Variants in TCF3 observed in about 807,000 individuals in gnomAD.
TCF3 encodes the protein transcription factor 3.
TCF3 carries 54 observed loss-of-function variants against 72.3 expected under a neutral mutation model. That is an observed-to-expected ratio of 0.75 (90% CI 0.60 to 0.94). The LOEUF is 0.94. Ranked by LOEUF, TCF3 falls within the 40% of genes least tolerant of loss-of-function variation. The pLI is 0.00. For missense variants in TCF3, 1,078 were observed against 934.4 expected, an observed-to-expected ratio of 1.15 and a Z score of -2.00; for synonymous variants, 525 against 412.6, an observed-to-expected ratio of 1.27 and a Z score of -3.30.
At chr19:1,642,227 GAC>G (rs1473158945) in intron 3 of TCF3, among the ~76,000 whole-genome samples, 5 of 147,930 alleles carry the variant, frequency 3.4e-5, no homozygotes, top group South Asian at 2.1e-4. Context: ...CAGACGCACA[GAC>G]ACGCACGCGC....
chr19:1,650,502 A>T (rs549147994), intron 1 of TCF3: 8 of 466,780 alleles, frequency 1.7e-5, no homozygotes, highest in Admixed American at 3.8e-5. Flanking sequence ...AGTCCTCCCC[A>T]GAGACCACAG....
At chr19:1,645,326 A>G (rs1442094047) in intron 3 of TCF3, among the ~76,000 whole-genome samples, 2 of 152,088 alleles carry the variant, frequency 1.3e-5, no homozygotes, top group Non-Finnish European at 2.9e-5. Flanking sequence ...GTGGCTCTGA[A>G]GCAGCATCGG....
At position 1,627,587 on chromosome 19, in the gene TCF3, C is replaced by T. The variant is rs572542067; in HGVS notation, c.299-161G>A. 1.3e-4 allele frequency among the ~76,000 whole-genome samples: 20 copies of T among 152,038 alleles called. No homozygotes were observed. The South Asian group carries it at 2.3e-3, about 17-fold the overall frequency. On this transcript the variant is annotated intron_variant, in intron 5 of 18. Transcript: ENST00000262965. ...GAGCCTGACCCCAGTGTGCCCATCT[C>T]GGGGAGCCCTGGCCCCAGTATGCCC...
chr19:1,640,567 C>T (rs905174159), intron 3 of TCF3, among the ~76,000 whole-genome samples: 2 of 152,086 alleles, frequency 1.3e-5, no homozygotes, highest in African/African-American at 4.8e-5. Context: ...ACCTGTAATC[C>T]CAGCACTTCG....
chr19:1,635,090 C>G (rs79564425), intron 3 of TCF3, among the ~76,000 whole-genome samples: 1 of 152,194 alleles, frequency 6.6e-6, no homozygotes, highest in Admixed American at 6.5e-5. Flanking sequence ...TTGGTGGACA[C>G]GGGCCCTGAA....
intron 1 of TCF3, 94 bp from the exon 2 acceptor site, chr19:1,650,381 A>T: frequency 1.0e-6 from 1 of 977,066 alleles, no homozygotes. Context: ...AAAGCCACCT[A>T]AAAAACCCTC....
In TCF3 at chr19:1,625,607, G is replaced by A. The variant is rs757192077; in HGVS notation, c.468C>T (p.Ser156=). The A allele has an allele frequency of 1.9e-6, 3 of 1,585,170 alleles. No individual in the cohort carries two copies. The African/African-American group carries it at 4.1e-5, about 22-fold the overall frequency. ...TGCCGTCTGCCGCTCTCCGCCGGGA[G>A]CTGCCGGAGTAGGAGGGGTAGTACT... ...TSQYYPSYSG[S]SRRRAADGSL... is the part of the protein sequence containing the mutation. The change falls in exon 7 of 19, where the codon AGC becomes AGT. Residue 156 remains serine (S), a synonymous_variant. Coordinates refer to ENST00000262965, the MANE Select transcript of TCF3 (RefSeq NM_003200.5).
Position 1,646,348 on chromosome 19 carries a change from G to A in TCF3, c.145+7C>T. The A allele has an allele frequency of 3.2e-6, 5 of 1,550,236 alleles. No homozygotes were observed. Among genetic ancestry groups the A allele is most frequent in the Non-Finnish European group, 4.4e-6 (5 of 1,146,530 alleles). ...CCACGAGCGCTGGCAGGAAGGCGGG[G>A]TCCTACCTGAACCTCCGAACTGCGC... On this transcript the variant is annotated splice_region_variant and intron_variant, in intron 3 of 18. Coordinates refer to ENST00000262965, the MANE Select transcript of TCF3 (RefSeq NM_003200.5).
chr19:1,643,157 A>G (rs539523708), intron 3 of TCF3, among the ~76,000 whole-genome samples: 1 of 152,172 alleles, frequency 6.6e-6, no homozygotes, highest in African/African-American at 2.4e-5. Context: ...CCCGTTTTAA[A>G]TGTCTTCCGA....
Position 1,622,180 on chromosome 19 carries a change from G to T in TCF3, c.696C>A (p.Gly232=). The change falls in exon 10 of 19, where the codon GGC becomes GGA. Residue 232 remains glycine, a synonymous_variant. Coordinates refer to ENST00000262965, the MANE Select transcript of TCF3 (RefSeq NM_003200.5). The part of the protein sequence containing the change: ...HPSAELWSPP[G]QAGFGPMLGG... Reference sequence around the variant, plus strand: ...CCAGCATGGGCCCGAAGCCCGCCTGGCCCGGGGGACTCCAGAGCTCGGCTG... The same window carrying T: ...CCAGCATGGGCCCGAAGCCCGCCTGTCCCGGGGGACTCCAGAGCTCGGCTG... The T allele has an allele frequency of 6.4e-7, 1 of 1,568,792 alleles. No homozygotes were observed. Among genetic ancestry groups the T allele is most frequent in the Non-Finnish European group, 8.6e-7 (1 of 1,159,596 alleles).
chr19:1,612,913 C>T (rs2061177277), intron 18 of TCF3, among the ~76,000 whole-genome samples: 1 of 135,978 alleles, frequency 7.4e-6, no homozygotes, highest in Admixed American at 7.5e-5. Context: ...AGTGGGGGTA[C>T]ACGGCTGGTG....
chr19:1,644,534 A>G (rs2065794902), intron 3 of TCF3, among the ~76,000 whole-genome samples: 1 of 152,210 alleles, frequency 6.6e-6, no homozygotes, highest in Non-Finnish European at 1.5e-5. Context: ...GTGAGGGGAC[A>G]AGGCGAGACC....
intron 2 of TCF3, among the ~76,000 whole-genome samples, chr19:1,649,761 C>T (rs994520109): frequency 3.5e-4 from 54 of 152,150 alleles, no homozygotes; most frequent in African/African-American, 1.2e-3. Flanking sequence ...CAGGGTCTCA[C>T]TGTCAACCAG....
At chr19:1,631,821 G>C (rs75384061) in intron 5 of TCF3, 1 of 1,256,894 alleles carries the variant, frequency 8.0e-7, no homozygotes, top group African/African-American at 1.5e-5. Context: ...ACGCTCAGGC[G>C]GGGAAGCCTA....
At chr19:1,624,420 A>G (rs1280911428) in intron 7 of TCF3, among the ~76,000 whole-genome samples, 1 of 152,120 alleles carries the variant, frequency 6.6e-6, no homozygotes, top group Non-Finnish European at 1.5e-5. Context: ...CAGCAGCAAC[A>G]ACAACAAAAA....
chr19:1,619,394 G>A lies in TCF3; in HGVS notation c.1248C>T (p.His416=), dbSNP rs371505761. 6 of 1,593,780 alleles carry A rather than the reference G, an allele frequency of 3.8e-6. No individual in the cohort carries two copies. Among genetic ancestry groups the A allele is most frequent in the Non-Finnish European group, 4.2e-6 (5 of 1,177,202 alleles). ...SHAVGTAGDM[H]TLLPGHGALA... The stretch of plus-strand genomic sequence containing the variant: ...GCGCCCCGTGGCCAGGCAGCAGCGT[G>A]TGCATGTCGCCGGCTGTGCCCACGG... Residue 416 remains histidine (H), a synonymous_variant, in exon 15 of 19, where the codon CAC becomes CAT. Coordinates refer to ENST00000262965, the MANE Select transcript of TCF3 (RefSeq NM_003200.5).
intron 5 of TCF3, among the ~76,000 whole-genome samples, chr19:1,627,773 C>CA (rs59452682): frequency 4.6e-4 from 65 of 141,288 alleles, no homozygotes; most frequent in African/African-American, 1.4e-3. Flanking sequence ...GCAGAGCTCA[C>CA]GGGGTGAGGT....
At position 1,611,549 on chromosome 19, in the gene TCF3, C is replaced by T; in HGVS notation, c.*158G>A. 5.6e-6 allele frequency: 6 copies of T among 1,072,678 alleles called. No individual in the cohort carries two copies. Among genetic ancestry groups the T allele is most frequent in the South Asian group, 1.7e-5 (1 of 57,446 alleles). The allele number at this position is 1,072,678 out of a possible 1,614,324, so 66.4% of individuals were successfully genotyped here. A position where few individuals can be genotyped will look rare whatever the true frequency, so the allele number is the denominator to read the frequency against. On this transcript the variant is annotated 3_prime_UTR_variant, in exon 19 of 19. Transcript: ENST00000262965. ...CCTGGACCCAGTGTCACCTTGGCCG[C>T]CCCCATCACTCCGAACCTTGTCAGG... is the stretch of plus-strand genomic sequence containing the variant.
At chr19:1,642,614 G>C (rs1416462961) in intron 3 of TCF3, among the ~76,000 whole-genome samples, 1 of 152,160 alleles carries the variant, frequency 6.6e-6, no homozygotes, top group East Asian at 1.9e-4. Flanking sequence ...TTAAACAAGT[G>C]GCAGGTGAAA....
Sources: gnomAD v4.1 joint callset for allele counts (sites outside exome capture counted in the v4.1 genomes callset) on GRCh38, gnomAD v4.1.1 for gene constraint, MANE v1.5 for transcripts, NCBI Gene and HGNC (gene_info 2026-07-23, HGNC 2026-07-21) for gene names.